The following ENTPD1 variants were observed in gnomAD, a reference collection of about 807,000 sequenced individuals.
The protein encoded by ENTPD1 is ATP diphosphohydrolase.
A neutral mutation model predicts 57.0 loss-of-function variants in ENTPD1; 33 were observed. That is an observed-to-expected ratio of 0.58 (90% CI 0.44 to 0.77). ENTPD1 has a LOEUF of 0.77. Ranked by LOEUF, ENTPD1 falls within the 30% of genes least tolerant of loss-of-function variation. The probability of loss-of-function intolerance (pLI) is 0.00; values close to 1 mark genes in which losing one functional copy is unlikely to be tolerated. For missense variants in ENTPD1, 501 were observed against 603.4 expected (o/e 0.83, Z 1.78); for synonymous variants, 202 against 218.8 (o/e 0.92, Z 0.68).
At position 95,867,244 on chromosome 10, in the gene ENTPD1, C is replaced by T. The variant is rs1410525214; in HGVS notation, c.*861C>T. 1 of 972,988 alleles carries T rather than the reference C, an allele frequency of 1.0e-6. No individual in the cohort carries two copies. Among genetic ancestry groups the T allele is most frequent in the African/African-American group, 1.8e-5 (1 of 56,964 alleles). The allele number at this position is 972,988 out of a possible 1,614,324, so 60.3% of individuals were successfully genotyped here. A position where few individuals can be genotyped will look rare whatever the true frequency, so the allele number is the denominator to read the frequency against. On this transcript the variant is annotated 3_prime_UTR_variant, in exon 10 of 10. Transcript: ENST00000371205. The stretch of plus-strand genomic sequence containing the variant: ...ACATAAATATAATTCACCATTTTAA[C>T]ATTTAATTCATATTAAATACGTACA...
chr10:95,740,998 T>C (rs1478535437), intron 1 of ENTPD1, among the ~76,000 whole-genome samples: 2 of 152,230 alleles, frequency 1.3e-5, no homozygotes, highest in East Asian at 3.8e-4. Context: ...TAAGGCTGTT[T>C]CTCTTTCTTA....
chr10:95,843,615 G>C (rs1269507816), intron 4 of ENTPD1, among the ~76,000 whole-genome samples: 1 of 152,208 alleles, frequency 6.6e-6, no homozygotes, highest in Non-Finnish European at 1.5e-5. Context: ...AGGTCACAAA[G>C]TGCCCTATGG....
At chr10:95,802,521 A>G (rs973875082) in intron 1 of ENTPD1, among the ~76,000 whole-genome samples, 3 of 151,970 alleles carry the variant, frequency 2.0e-5, no homozygotes, top group African/African-American at 4.8e-5. Flanking sequence ...GGTTTGATAC[A>G]TAGGTATACA....
intron 1 of ENTPD1, among the ~76,000 whole-genome samples, chr10:95,766,516 TTGTC>T (rs2098088912): frequency 6.6e-6 from 1 of 152,224 alleles, no homozygotes. Context: ...CAATTGTCTG[TTGTC>T]TATTTACCTC....
chr10:95,864,781 G>A lies in ENTPD1; in HGVS notation c.1246G>A (p.Gly416Ser), dbSNP rs773350104. Residue 416 changes from glycine to serine, a missense_variant, in exon 9 of 10, where the codon GGT (glycine) becomes AGT (serine). Coordinates refer to ENST00000371205, the MANE Select transcript of ENTPD1 (RefSeq NM_001776.6). ...EKYLSEYCFSGTYILSLLLQG... is the reference protein window; with the variant it reads ...EKYLSEYCFSSTYILSLLLQG... ...GTACCTGAGTGAATACTGCTTTTCT[G>A]GTACCTACATTCTCTCCCTCCTTCT... is the stretch of plus-strand genomic sequence containing the variant. The A allele has an allele frequency of 1.1e-5, 17 of 1,613,956 alleles. No homozygotes were observed. Among genetic ancestry groups the A allele is most frequent in the African/African-American group, 2.7e-5 (2 of 74,904 alleles).
rs1346325691 is a variant in ENTPD1 at position 95,876,918 on chromosome 10, G to A, written c.*10535G>A. ...TTACTGACAGTCAAATGGTGAAGGT[G>A]GGCAGAATCATTATGTGATGCAACA... On this transcript the variant is annotated 3_prime_UTR_variant, in exon 10 of 10. Coordinates refer to ENST00000371205, the MANE Select transcript of ENTPD1 (RefSeq NM_001776.6). 1.3e-5 allele frequency among the ~76,000 whole-genome samples: 2 copies of A among 152,170 alleles called. No individual in the cohort carries two copies. The highest frequency in any genetic ancestry group is 4.8e-5 in the African/African-American group (2 of 41,432).
chr10:95,876,882 C>G lies in ENTPD1; in HGVS notation c.*10499C>G, dbSNP rs2098486267. Among the ~76,000 whole-genome samples the G allele has an allele frequency of 6.6e-6, 1 of 152,214 alleles. No homozygotes were observed. The highest frequency in any genetic ancestry group is 6.5e-5 in the Admixed American group (1 of 15,280). ...GCTATAATAAAAGAAGAAATGAGCA[C>G]ATACATTCTTTTACTGACAGTCAAA... is the stretch of plus-strand genomic sequence containing the variant. On this transcript the variant is annotated 3_prime_UTR_variant, in exon 10 of 10. Transcript: ENST00000371205.
intron 1 of ENTPD1, among the ~76,000 whole-genome samples, chr10:95,765,758 G>A (rs1397643885): frequency 6.6e-6 from 1 of 152,110 alleles, no homozygotes; most frequent in East Asian, 1.9e-4. Context: ...TGCATCAACT[G>A]TAAATCTATT....
intron 1 of ENTPD1, among the ~76,000 whole-genome samples, chr10:95,817,622 T>G (rs1171055164): frequency 6.6e-6 from 1 of 152,184 alleles, no homozygotes; most frequent in Non-Finnish European, 1.5e-5. Context: ...AGGGCCTTTC[T>G]GTGTACAGTT....
upstream of ENTPD1, among the ~76,000 whole-genome samples, chr10:95,752,463 G>A (rs561337084): frequency 3.9e-5 from 6 of 152,072 alleles, no homozygotes; most frequent in East Asian, 3.9e-4. Context: ...GAGACCAGCC[G>A]CCTGACCAAC....
intron 1 of ENTPD1, among the ~76,000 whole-genome samples, chr10:95,745,157 A>G (rs187893960): frequency 1.3e-4 from 20 of 152,274 alleles, no homozygotes; most frequent in Admixed American, 1.2e-3. Context: ...TGTGTTTTGA[A>G]GCAGCAATAA....
chr10:95,733,963 G>C (rs919754187), intron 1 of ENTPD1, among the ~76,000 whole-genome samples: 2 of 152,112 alleles, frequency 1.3e-5, no homozygotes, highest in Non-Finnish European at 2.9e-5. Flanking sequence ...AAGGTTCATG[G>C]GTCTATGGGT....
At chr10:95,697,566 G>C in the ENTPD1 span, among the ~76,000 whole-genome samples, 136 of 152,256 alleles carry the variant, frequency 8.9e-4, no homozygotes, top group Non-Finnish European at 1.5e-3. Context: ...CGGGTTAATG[G>C]ATTAATGTGT....
chr10:95,708,974 A>C (rs1264161993), upstream of ENTPD1, among the ~76,000 whole-genome samples: 1 of 152,242 alleles, frequency 6.6e-6, no homozygotes, highest in African/African-American at 2.4e-5. Context: ...GCATTTCTTC[A>C]TTTTTAAAAA....
the ENTPD1 span, among the ~76,000 whole-genome samples, chr10:95,701,475 T>C: frequency 1.3e-5 from 2 of 152,132 alleles, no homozygotes; most frequent in Non-Finnish European, 2.9e-5. Context: ...ACTAGGTAAA[T>C]CCACCATCAG....
Position 95,873,641 on chromosome 10 carries a change from G to T in ENTPD1, c.*7258G>T. Reference sequence around the variant, plus strand: ...ATGTTTCCTTCTGTCACTCTACTAGGGATGAAACAGCTAATCATGTTCAAT... The same window carrying T: ...ATGTTTCCTTCTGTCACTCTACTAGTGATGAAACAGCTAATCATGTTCAAT... On this transcript the variant is annotated 3_prime_UTR_variant, in exon 10 of 10. Coordinates refer to ENST00000371205, the MANE Select transcript of ENTPD1 (RefSeq NM_001776.6). 1.0e-6 allele frequency: 1 copy of T among 985,356 alleles called. No individual in the cohort carries two copies. Among genetic ancestry groups the T allele is most frequent in the Non-Finnish European group, 1.2e-6 (1 of 829,920 alleles). The allele number at this position is 985,356 out of a possible 1,614,324, so 61.0% of individuals were successfully genotyped here. A position where few individuals can be genotyped will look rare whatever the true frequency, so the allele number is the denominator to read the frequency against.
rs142329357 is a variant in ENTPD1 at position 95,837,956 on chromosome 10, TCACACA to T, written c.145-1713_145-1708del. ...ACCTAGCTTATATATGTAGGGAGAT[TCACACA>T]CACACACACACACACACACACCACA... On this transcript the variant is annotated intron_variant, in intron 2 of 9. Coordinates refer to ENST00000371205, the MANE Select transcript of ENTPD1 (RefSeq NM_001776.6). Among the ~76,000 whole-genome samples the T allele has an allele frequency of 9.1e-4, 133 of 146,922 alleles. No individual in the cohort carries two copies. In the South Asian group the frequency reaches 9.1e-3, roughly 10 times the overall value.
At chr10:95,857,932 C>T (rs1337288916) in intron 7 of ENTPD1, among the ~76,000 whole-genome samples, 3 of 152,132 alleles carry the variant, frequency 2.0e-5, no homozygotes, top group African/African-American at 7.2e-5. Context: ...GAGGCCGACG[C>T]GGGCGGATCA....
chr10:95,857,548 C>T (rs2140950932), intron 7 of ENTPD1, among the ~76,000 whole-genome samples: 1 of 152,306 alleles, frequency 6.6e-6, no homozygotes, highest in Admixed American at 6.5e-5. Flanking sequence ...ACCCCACCAT[C>T]AGTTCACTAG....
Sources: allele counts gnomAD v4.1 joint callset (sites outside exome capture counted in the v4.1 genomes callset), GRCh38; gene constraint gnomAD v4.1.1; transcripts MANE v1.5; gene names NCBI Gene and HGNC (gene_info 2026-07-23, HGNC 2026-07-21).